The following TMTC2 variants were observed in gnomAD, a reference collection of about 807,000 sequenced individuals.
TMTC2 encodes the protein protein O-mannosyl-transferase TMTC2.
Under a neutral mutation model 82.4 loss-of-function variants are expected in TMTC2, and 43 were observed. The observed-to-expected ratio is 0.52, with a 90% confidence interval of 0.41 to 0.67. The LOEUF is 0.67. TMTC2 is among the 30% of genes least tolerant of loss of function. TMTC2 has a pLI of 0.00. For missense variants in TMTC2, 919 were observed against 1,012.4 expected (o/e 0.91, Z 1.25); for synonymous variants, 408 against 381.9 (o/e 1.07, Z -0.80).
chr12:82,694,234 A>G (rs1023993363), intron 1 of TMTC2, among the ~76,000 whole-genome samples: 1 of 152,170 alleles, frequency 6.6e-6, no homozygotes, highest in Non-Finnish European at 1.5e-5. Flanking sequence ...AGTTCCATTA[A>G]TTTGAAAAGC....
At chr12:82,825,152 A>G (rs918313537) in intron 1 of TMTC2, among the ~76,000 whole-genome samples, 3 of 152,060 alleles carry the variant, frequency 2.0e-5, no homozygotes, top group African/African-American at 7.2e-5. Context: ...TTTTATTGTG[A>G]TTCAGCTCTT....
rs547291054 is a variant in TMTC2 at position 82,876,893 on chromosome 12, T to A, written c.655-18925T>A. Among the ~76,000 whole-genome samples, 4 of 152,334 alleles carry A rather than the reference T, an allele frequency of 2.6e-5. No individual in the cohort carries two copies. In the South Asian group the frequency reaches 8.3e-4, roughly 32 times the overall value. Reference sequence around the variant, plus strand: ...CTCATATCTAGAGTTTTCTGAAGATTAAATGCATTAATACATAGACATCTC... The same window carrying A: ...CTCATATCTAGAGTTTTCTGAAGATAAAATGCATTAATACATAGACATCTC... On this transcript the variant is annotated intron_variant, in intron 2 of 11. Coordinates refer to ENST00000321196, the MANE Select transcript of TMTC2 (RefSeq NM_152588.3).
intron 1 of TMTC2, among the ~76,000 whole-genome samples, chr12:82,692,672 C>T (rs1245885628): frequency 6.6e-6 from 1 of 152,228 alleles, no homozygotes; most frequent in Non-Finnish European, 1.5e-5. Flanking sequence ...CTCTTAGGAG[C>T]AGAGTATTGT....
chr12:82,989,970 T>G (rs1034726345), intron 8 of TMTC2, among the ~76,000 whole-genome samples: 1 of 152,178 alleles, frequency 6.6e-6, no homozygotes, highest in Non-Finnish European at 1.5e-5. Flanking sequence ...TTCTAAATTA[T>G]GACATTTGGC....
Position 82,964,777 on chromosome 12 carries a change from G to A in TMTC2, c.1599-247G>A, listed in dbSNP as rs115311332. ...AGCTAGAAAAGGGGAAAGTTCAGTGGTGGTAAAAGGCTTTTAGAAAATACC... is the reference window on the plus strand; with the variant it reads ...AGCTAGAAAAGGGGAAAGTTCAGTGATGGTAAAAGGCTTTTAGAAAATACC... On this transcript the variant is annotated intron_variant, in intron 4 of 11. Transcript: ENST00000321196. 4.2e-3 allele frequency among the ~76,000 whole-genome samples: 642 copies of A among 152,232 alleles called. 4 individuals are homozygous for A. Among genetic ancestry groups the A allele is most frequent in the African/African-American group, 0.014 (599 of 41,542 alleles).
At chr12:82,777,117 T>C (rs1877639238) in intron 1 of TMTC2, among the ~76,000 whole-genome samples, 2 of 152,238 alleles carry the variant, frequency 1.3e-5, no homozygotes, top group South Asian at 4.2e-4. Context: ...GAACATGAAG[T>C]CTCTGGTCAC....
chr12:83,132,124 T>G, intron 11 of TMTC2, 86 bp from the exon 12 acceptor site: 1 of 1,452,906 alleles, frequency 6.9e-7, no homozygotes, highest in Non-Finnish European at 9.2e-7. Context: ...GGGAATTATT[T>G]GCATAAGTGG....
chr12:82,913,195 T>A (rs755475258), intron 3 of TMTC2, among the ~76,000 whole-genome samples: 1 of 152,202 alleles, frequency 6.6e-6, no homozygotes, highest in African/African-American at 2.4e-5. Flanking sequence ...CATTACACTT[T>A]AGCACAATGA....
intron 8 of TMTC2, among the ~76,000 whole-genome samples, chr12:83,009,011 A>C (rs934653250): frequency 1.3e-5 from 2 of 152,152 alleles, no homozygotes; most frequent in Non-Finnish European, 2.9e-5. Context: ...AGTCAGTTAC[A>C]TCTCAGTCTT....
At chr12:82,725,516 G>A (rs1874406669) in intron 1 of TMTC2, among the ~76,000 whole-genome samples, 1 of 152,120 alleles carries the variant, frequency 6.6e-6, no homozygotes, top group South Asian at 2.1e-4. Flanking sequence ...AATTGTTAAT[G>A]GTGCACACTA....
chr12:82,989,454 C>T (rs1030443205), intron 8 of TMTC2, among the ~76,000 whole-genome samples: 6 of 151,844 alleles, frequency 4.0e-5, no homozygotes, highest in Non-Finnish European at 8.8e-5. Flanking sequence ...TGGTGATTCA[C>T]ACAACTCCAC....
In TMTC2 at chr12:82,779,535, G is replaced by T. The variant is rs1023982654; in HGVS notation, c.84-77475G>T. 1.1e-4 allele frequency among the ~76,000 whole-genome samples: 17 copies of T among 152,076 alleles called. 1 individual carries two copies. The highest frequency in any genetic ancestry group is 1.1e-3 in the Admixed American group (17 of 15,260). ...CAAGTATAGATTAAACTGTAACCAA[G>T]AATAGTGAAGATGTGATAATAGATG... is the stretch of plus-strand genomic sequence containing the variant. On this transcript the variant is annotated intron_variant, in intron 1 of 11. Transcript: ENST00000321196.
At chr12:82,791,233 G>T (rs985692244) in intron 1 of TMTC2, among the ~76,000 whole-genome samples, 1 of 151,936 alleles carries the variant, frequency 6.6e-6, no homozygotes, top group Non-Finnish European at 1.5e-5. Flanking sequence ...TATTTTTACT[G>T]ATATAGCTGT....
intron 1 of TMTC2, among the ~76,000 whole-genome samples, chr12:82,802,343 C>T (rs113679877): frequency 7.2e-5 from 11 of 152,192 alleles, no homozygotes; most frequent in South Asian, 2.1e-4. Context: ...CACACCTCCC[C>T]GCAAGCTGAG....
chr12:83,001,072 C>T (rs914624000), intron 8 of TMTC2, among the ~76,000 whole-genome samples: 7 of 152,244 alleles, frequency 4.6e-5, no homozygotes, highest in Admixed American at 2.0e-4. Flanking sequence ...TTCTAAATCT[C>T]CGGGCCTGTG....
rs762250107 is a variant in TMTC2, at chr12:82,857,052, A to G, written c.126A>G (p.Pro42=). ...KTNQDLLPET[P]WTHIFYNDFW... ...ATCAGGACCTTCTCCCAGAAACTCC[A>G]TGGACGCACATTTTCTACAATGATT... The change falls in exon 2 of 12, where the codon CCA becomes CCG. Residue 42 remains proline, a synonymous_variant. Coordinates refer to ENST00000321196, the MANE Select transcript of TMTC2 (RefSeq NM_152588.3). The G allele has an allele frequency of 4.3e-6, 7 of 1,613,254 alleles. No homozygotes were observed. The Admixed American group carries it at 5.0e-5, about 12-fold the overall frequency.
chr12:82,939,064 C>G (rs773542880), intron 4 of TMTC2, among the ~76,000 whole-genome samples: 1 of 152,132 alleles, frequency 6.6e-6, no homozygotes, highest in South Asian at 2.1e-4. Flanking sequence ...AGATCAACAA[C>G]ATTAATGAAT....
At chr12:82,690,102 A>G (rs2136881205) in intron 1 of TMTC2, among the ~76,000 whole-genome samples, 1 of 152,366 alleles carries the variant, frequency 6.6e-6, no homozygotes, top group South Asian at 2.1e-4. Context: ...TTCATTGTGA[A>G]GTTACACTAT....
At chr12:82,977,930 A>G (rs2403025) in intron 7 of TMTC2, among the ~76,000 whole-genome samples, 138,230 of 151,686 alleles carry the variant, frequency 0.91, 63,113 homozygotes, top group East Asian at 1. Context: ...ATAACAAAAC[A>G]CTGGAAGGAA....
Sources: gnomAD v4.1 joint callset for allele counts (sites outside exome capture counted in the v4.1 genomes callset) on GRCh38, gnomAD v4.1.1 for gene constraint, MANE v1.5 for transcripts, NCBI Gene and HGNC (gene_info 2026-07-23, HGNC 2026-07-21) for gene names.